Variants in NLGN1 observed in about 807,000 individuals in gnomAD.
The protein encoded by NLGN1 is neuroligin 1, also known as neuroligin-1.
NLGN1 carries 12 observed loss-of-function variants against 65.5 expected under a neutral mutation model. The observed-to-expected ratio is 0.18, with a 90% CI of 0.12 to 0.30. The LOEUF is 0.30. Ranked by LOEUF, NLGN1 falls within the 10% of genes least tolerant of loss-of-function variation. The pLI is 1.00. For synonymous variants in NLGN1, 350 were observed against 359.5 expected (o/e 0.97, Z 0.30); for missense variants, 750 against 1,007.1 (o/e 0.74, Z 3.46).
chr3:173,938,907 A>G lies in NLGN1; in HGVS notation c.646+131075A>G, dbSNP rs550367157. Among the ~76,000 whole-genome samples the G allele has an allele frequency of 2.0e-5, 3 of 152,318 alleles. No individual in the cohort carries two copies. The East Asian group carries it at 5.8e-4, about 29-fold the overall frequency. The stretch of plus-strand genomic sequence containing the variant: ...TCTATAGCCCACACAACATTCTACC[A>G]GCTAACTGAGTCAGAGATATAATTT... On this transcript the variant is annotated intron_variant, in intron 4 of 6. Transcript: ENST00000457714.
At chr3:174,086,183 ATG>A (rs140331992) in intron 4 of NLGN1, among the ~76,000 whole-genome samples, 184 of 143,722 alleles carry the variant, frequency 1.3e-3, no homozygotes, top group South Asian at 3.3e-3. Context: ...AAGTATATAT[ATG>A]TGTGTGTGTG....
downstream of NLGN1, among the ~76,000 whole-genome samples, chr3:174,290,029 G>T (rs2152903929): frequency 6.8e-6 from 1 of 147,460 alleles, no homozygotes. Context: ...TGTTCCATGT[G>T]AGGATACTAC....
chr3:173,761,436 G>A (rs1306079051), intron 3 of NLGN1, among the ~76,000 whole-genome samples: 4 of 152,018 alleles, frequency 2.6e-5, no homozygotes, highest in African/African-American at 9.7e-5. Flanking sequence ...AGAGGTAGGG[G>A]AGCCAGTGTC....
At chr3:174,088,880 T>C (rs971077141) in intron 4 of NLGN1, among the ~76,000 whole-genome samples, 3 of 152,024 alleles carry the variant, frequency 2.0e-5, no homozygotes, top group South Asian at 2.1e-4. Context: ...AGAAGGTGCC[T>C]GAAATTCATC....
At chr3:173,930,062 A>T (rs1469730370) in intron 4 of NLGN1, among the ~76,000 whole-genome samples, 1 of 152,180 alleles carries the variant, frequency 6.6e-6, no homozygotes, top group Admixed American at 6.6e-5. Context: ...TGATGGCAAA[A>T]AAACAAAAAC....
chr3:173,690,087 C>T (rs750724634), intron 3 of NLGN1, among the ~76,000 whole-genome samples: 5 of 152,148 alleles, frequency 3.3e-5, no homozygotes, highest in African/African-American at 4.8e-5. Flanking sequence ...CATTTACTTA[C>T]TGACAGTCAA....
At chr3:174,122,723 T>G (rs892968193) in intron 4 of NLGN1, among the ~76,000 whole-genome samples, 9 of 152,098 alleles carry the variant, frequency 5.9e-5, no homozygotes, top group African/African-American at 2.2e-4. Flanking sequence ...TGCTCTGGTT[T>G]TTCCCTCACA....
intron 4 of NLGN1, among the ~76,000 whole-genome samples, chr3:174,207,796 T>C (rs1577360026): frequency 6.6e-6 from 1 of 152,328 alleles, no homozygotes; most frequent in African/African-American, 2.4e-5. Context: ...CCCCTCATGG[T>C]GTCAAGCACA....
intron 3 of NLGN1, among the ~76,000 whole-genome samples, chr3:173,715,481 T>G (rs1452118415): frequency 6.6e-6 from 1 of 152,164 alleles, no homozygotes; most frequent in African/African-American, 2.4e-5. Context: ...ATTAAGAGCT[T>G]TAATGTTTAG....
At chr3:173,948,024 A>G (rs1017594870) in intron 4 of NLGN1, among the ~76,000 whole-genome samples, 1 of 152,216 alleles carries the variant, frequency 6.6e-6, no homozygotes, top group African/African-American at 2.4e-5. Context: ...ATTTGGCTTC[A>G]AGTGAAGATG....
At chr3:174,151,119 G>A (rs1724251903) in intron 4 of NLGN1, among the ~76,000 whole-genome samples, 1 of 150,962 alleles carries the variant, frequency 6.6e-6, no homozygotes, top group South Asian at 2.1e-4. Flanking sequence ...GTAGAGCTGC[G>A]ATATCATATA....
intron 4 of NLGN1, among the ~76,000 whole-genome samples, chr3:174,044,696 T>G (rs147392015): frequency 0.012 from 1,841 of 152,232 alleles, 18 homozygotes; most frequent in Middle Eastern, 0.02. Context: ...TCATCCTGTC[T>G]TCTTCTGAGG....
intron 4 of NLGN1, among the ~76,000 whole-genome samples, chr3:174,157,915 C>G (rs1261224363): frequency 6.6e-6 from 1 of 151,656 alleles, no homozygotes; most frequent in Non-Finnish European, 1.5e-5. Context: ...TTCTTTAATA[C>G]TTTTTAGTCT....
chr3:174,203,206 A>G (rs1734806893), intron 4 of NLGN1, among the ~76,000 whole-genome samples: 1 of 152,154 alleles, frequency 6.6e-6, no homozygotes, highest in Non-Finnish European at 1.5e-5. Flanking sequence ...TCAATGATCT[A>G]GACAAGAGCA....
chr3:174,019,127 A>G lies in NLGN1; in HGVS notation c.646+211295A>G, dbSNP rs1212716199. ...AATATGTATGTTATTGAATTTAGGC[A>G]AGCAAATATATTCCTAGTGTATTGA... On this transcript the variant is annotated intron_variant, in intron 4 of 6. Transcript: ENST00000457714. Among the ~76,000 whole-genome samples the G allele has an allele frequency of 2.0e-5, 3 of 152,172 alleles. No individual in the cohort carries two copies. The East Asian group carries it at 5.8e-4, about 29-fold the overall frequency.
chr3:173,946,237 TAATC>T (rs1389135587), intron 4 of NLGN1, among the ~76,000 whole-genome samples: 2 of 152,228 alleles, frequency 1.3e-5, no homozygotes, highest in African/African-American at 4.8e-5. Context: ...AATCACTTCT[TAATC>T]AATCATGCAG....
At chr3:174,104,112 C>T (rs556791599) in intron 4 of NLGN1, among the ~76,000 whole-genome samples, 6 of 152,184 alleles carry the variant, frequency 3.9e-5, no homozygotes, top group Non-Finnish European at 5.9e-5. Context: ...CTTCTCTTTT[C>T]TCCTTTCAGG....
intron 3 of NLGN1, among the ~76,000 whole-genome samples, chr3:173,652,459 G>T (rs886484866): frequency 1.3e-5 from 2 of 152,038 alleles, no homozygotes; most frequent in African/African-American, 4.8e-5. Flanking sequence ...TGTGAGAGAG[G>T]GGTCCAGTTT....
intron 1 of NLGN1, among the ~76,000 whole-genome samples, chr3:173,433,011 A>G (rs1717465594): frequency 6.6e-6 from 1 of 152,196 alleles, no homozygotes; most frequent in Non-Finnish European, 1.5e-5. Context: ...ATTAAAAATA[A>G]TGAGTTTGCA....
Sources: allele counts gnomAD v4.1 joint callset (sites outside exome capture counted in the v4.1 genomes callset), GRCh38; gene constraint gnomAD v4.1.1; transcripts MANE v1.5; gene names NCBI Gene and HGNC (gene_info 2026-07-23, HGNC 2026-07-21).